The following HYCC1 variants were observed in gnomAD, a reference collection of about 807,000 sequenced individuals.
HYCC1 encodes the protein hyccin.
the HYCC1 span, among the ~76,000 whole-genome samples, chr7:22,950,491 T>C: frequency 6.6e-6 from 1 of 151,990 alleles, no homozygotes; most frequent in African/African-American, 2.4e-5. Flanking sequence ...GATTAAATTA[T>C]TAGAATAAAT....
chr7:22,909,999 G>A, the HYCC1 span, among the ~76,000 whole-genome samples: 2 of 152,190 alleles, frequency 1.3e-5, no homozygotes, highest in East Asian at 1.9e-4. Context: ...AATTACATAC[G>A]GACATGACTG....
the HYCC1 span, among the ~76,000 whole-genome samples, chr7:22,899,774 T>C: frequency 1.3e-5 from 2 of 152,224 alleles, no homozygotes; most frequent in East Asian, 1.9e-4. Flanking sequence ...ATATGTAACA[T>C]TGTTTATGAC....
chr7:23,007,282 G>A, the HYCC1 span, among the ~76,000 whole-genome samples: 4 of 152,104 alleles, frequency 2.6e-5, no homozygotes, highest in African/African-American at 7.2e-5. Context: ...AAAACATTAC[G>A]GTACTGATTA....
At chr7:22,896,695 T>C in the HYCC1 span, among the ~76,000 whole-genome samples, 1 of 152,318 alleles carries the variant, frequency 6.6e-6, no homozygotes, top group South Asian at 2.1e-4. Context: ...ATTCCCATCT[T>C]CCATACTAAA....
the HYCC1 span, among the ~76,000 whole-genome samples, chr7:22,919,032 A>G: frequency 2.0e-5 from 3 of 152,224 alleles, no homozygotes; most frequent in Admixed American, 2.0e-4. Flanking sequence ...ATCCATATCC[A>G]TAGTCCCAAC....
At chr7:22,987,698 T>C in the HYCC1 span, among the ~76,000 whole-genome samples, 2 of 152,308 alleles carry the variant, frequency 1.3e-5, no homozygotes, top group East Asian at 3.9e-4. Flanking sequence ...TGCAACAGTG[T>C]AGAGCTAAAA....
the HYCC1 span, among the ~76,000 whole-genome samples, chr7:23,003,651 AAGAC>A: frequency 2.0e-5 from 3 of 152,206 alleles, no homozygotes; most frequent in African/African-American, 7.2e-5. Context: ...GGGACAAAGA[AAGAC>A]AGAAATGTTA....
the HYCC1 span, among the ~76,000 whole-genome samples, chr7:23,001,645 T>C: frequency 9.9e-5 from 15 of 152,142 alleles, no homozygotes; most frequent in Non-Finnish European, 5.9e-5. Context: ...TTCAATTTAC[T>C]TAGACCCAGC....
chr7:22,985,173 A>G, the HYCC1 span, among the ~76,000 whole-genome samples: 1 of 152,182 alleles, frequency 6.6e-6, no homozygotes, highest in African/African-American at 2.4e-5. Context: ...ACTCACTCTA[A>G]ACATACATTA....
At chr7:22,990,024 TC>T in the HYCC1 span, among the ~76,000 whole-genome samples, 2 of 152,224 alleles carry the variant, frequency 1.3e-5, no homozygotes, top group African/African-American at 4.8e-5. Flanking sequence ...GCCTAGAGCA[TC>T]GAAGTCACTT....
At chr7:23,014,014 A>G in the HYCC1 span, 1 of 471,122 alleles carries the variant, frequency 2.1e-6, no homozygotes, top group Non-Finnish European at 4.4e-6. Flanking sequence ...CCTCCCGAGT[A>G]GCAGCACCAC....
chr7:22,996,902 T>C, the HYCC1 span, among the ~76,000 whole-genome samples: 1 of 152,176 alleles, frequency 6.6e-6, no homozygotes, highest in South Asian at 2.1e-4. Flanking sequence ...CAAAATATAC[T>C]TGCATTTGTA....
the HYCC1 span, among the ~76,000 whole-genome samples, chr7:22,982,886 A>C: frequency 1.3e-5 from 2 of 152,086 alleles, no homozygotes; most frequent in African/African-American, 4.8e-5. Flanking sequence ...TCTATTGTTA[A>C]CTACTGCATT....
chr7:22,972,231 G>A, the HYCC1 span, among the ~76,000 whole-genome samples: 2 of 151,848 alleles, frequency 1.3e-5, no homozygotes, highest in African/African-American at 4.9e-5. Flanking sequence ...AATTTTATTA[G>A]TCAGGAGCAA....
At chr7:22,916,520 G>A in the HYCC1 span, among the ~76,000 whole-genome samples, 11 of 152,288 alleles carry the variant, frequency 7.2e-5, no homozygotes, top group African/African-American at 2.4e-4. Flanking sequence ...TTACACAAGA[G>A]CCAGGACCAC....
the HYCC1 span, among the ~76,000 whole-genome samples, chr7:22,989,304 AC>A: frequency 4.0e-5 from 6 of 150,142 alleles, no homozygotes; most frequent in Non-Finnish European, 7.4e-5. Flanking sequence ...ACACACACAC[AC>A]ACACACACAC....
the HYCC1 span, among the ~76,000 whole-genome samples, chr7:22,996,865 A>G: frequency 6.6e-6 from 1 of 152,176 alleles, no homozygotes; most frequent in African/African-American, 2.4e-5. Flanking sequence ...AGCTTTATAA[A>G]TCTAATTAGA....
chr7:22,915,609 G>A, the HYCC1 span, among the ~76,000 whole-genome samples: 112 of 152,266 alleles, frequency 7.4e-4, 1 homozygote, highest in Non-Finnish European at 1.3e-3. Flanking sequence ...TGATTGCCTC[G>A]GAAGCCTCCT....
chr7:22,983,145 A>G, the HYCC1 span, among the ~76,000 whole-genome samples: 10 of 152,010 alleles, frequency 6.6e-5, no homozygotes, highest in Admixed American at 6.6e-4. Flanking sequence ...CCTGGGCAAC[A>G]TGGTGAAATC....
Sources: allele counts gnomAD v4.1 joint callset (sites outside exome capture counted in the v4.1 genomes callset), GRCh38; gene constraint gnomAD v4.1.1; transcripts MANE v1.5; gene names NCBI Gene and HGNC (gene_info 2026-07-23, HGNC 2026-07-21).